Variants in MIER2 observed in about 807,000 individuals in gnomAD.
MIER2 encodes MIER family member 2.
Under a neutral mutation model 67.6 loss-of-function variants are expected in MIER2, and 30 were observed. The observed-to-expected ratio is 0.44, with a 90% CI of 0.33 to 0.60. MIER2 has a LOEUF of 0.60. MIER2 is among the 20% of genes least tolerant of loss of function. MIER2 has a pLI of 0.02. For missense variants in MIER2, 702 were observed against 745.1 expected (o/e 0.94, Z 0.67); for synonymous variants, 372 against 312.6 (o/e 1.19, Z -2.00).
At chr19:313,451 G>C in intron 8 of MIER2, 41 bp downstream of exon 8, 1 of 1,595,614 alleles carries the variant, frequency 6.3e-7, no homozygotes, top group Non-Finnish European at 8.5e-7. Context: ...CCACGCCACG[G>C]CAGCCCTCAG....
chr19:334,290 G>C, intron 3 of MIER2, 110 bp downstream of exon 3: 1 of 1,472,880 alleles, frequency 6.8e-7, no homozygotes, highest in Non-Finnish European at 9.2e-7. Context: ...TTTGCAAAAA[G>C]ATGTACAATT....
At chr19:321,480 G>A (rs1021104426) in intron 7 of MIER2, among the ~76,000 whole-genome samples, 4 of 151,932 alleles carry the variant, frequency 2.6e-5, no homozygotes, top group Non-Finnish European at 5.9e-5. Context: ...CCCCATCTCC[G>A]CTAAAAATAC....
chr19:322,820 G>A (rs181043535), intron 7 of MIER2, among the ~76,000 whole-genome samples: 8 of 152,256 alleles, frequency 5.3e-5, no homozygotes, highest in East Asian at 3.9e-4. Context: ...CGACGCACAC[G>A]AGGGCATTCA....
intron 7 of MIER2, among the ~76,000 whole-genome samples, chr19:324,777 T>TG (rs1971663771): frequency 6.6e-6 from 1 of 152,164 alleles, no homozygotes; most frequent in African/African-American, 2.4e-5. Flanking sequence ...GGCACCCTCA[T>TG]GGGGGGTGAG....
At position 312,264 on chromosome 19, in the gene MIER2, G is replaced by A. The variant is rs142594873; in HGVS notation, c.816C>T (p.Tyr272=). The part of the protein sequence containing the change: ...EAVKDSEQAL[Y]ELVKCNFNVE... The stretch of plus-strand genomic sequence containing the variant: ...CATTGAAGTTGCATTTCACCAACTC[G>A]TACAGCGCCTGGGGAGAGGACATGT... Residue 272 remains tyrosine, a synonymous_variant, in exon 9 of 14, where the codon TAC becomes TAT. Transcript: ENST00000264819. The A allele has an allele frequency of 1.3e-4, 204 of 1,613,834 alleles. No homozygotes were observed. Among genetic ancestry groups the A allele is most frequent in the Non-Finnish European group, 1.6e-4 (185 of 1,179,834 alleles).
At chr19:338,890 T>C (rs1389721074) in intron 1 of MIER2, among the ~76,000 whole-genome samples, 2 of 152,098 alleles carry the variant, frequency 1.3e-5, no homozygotes, top group Admixed American at 1.3e-4. Context: ...TCATACCATA[T>C]GCAAAAATTA....
Position 343,830 on chromosome 19 carries a change from C to G in MIER2, c.9+944G>C, listed in dbSNP as rs116106706. The G allele has an allele frequency of 3.0e-6, 3 of 985,052 alleles. No individual in the cohort carries two copies. In the African/African-American group the frequency reaches 5.2e-5, roughly 17 times the overall value. 61.0% of individuals were successfully genotyped at this position (985,052 alleles called of 1,614,324 possible). On this transcript the variant is annotated intron_variant, in intron 1 of 13. Transcript: ENST00000264819. ...CCTACATTATCTCTTTCCATCTTCA[C>G]CAGGGCCCTCCAAGGTGAAAGCAAG...
At chr19:327,634 T>C (rs1410221210) in intron 4 of MIER2, among the ~76,000 whole-genome samples, 3 of 152,236 alleles carry the variant, frequency 2.0e-5, no homozygotes, top group Non-Finnish European at 4.4e-5. Flanking sequence ...GAGGCCCCGA[T>C]GTGCCCCTCC....
chr19:325,611 C>G lies in MIER2; in HGVS notation c.655+24G>C, dbSNP rs965140673. On this transcript the variant is annotated intron_variant, in intron 7 of 13. Coordinates refer to ENST00000264819, the MANE Select transcript of MIER2 (RefSeq NM_017550.3). ...CTCCCCTTGCAGAAGTGGGTTTCGC[C>G]TCCTCTCCCCAGGCCCTACTTACTC... The G allele has an allele frequency of 1.9e-6, 3 of 1,613,978 alleles. No homozygotes were observed. The African/African-American group carries it at 4.0e-5, about 22-fold the overall frequency.
intron 7 of MIER2, among the ~76,000 whole-genome samples, chr19:317,183 A>G (rs1971272054): frequency 6.6e-6 from 1 of 152,102 alleles, no homozygotes; most frequent in Non-Finnish European, 1.5e-5. Context: ...TCACGAGGTC[A>G]GGAGATCGAG....
chr19:328,419 T>C (rs1971867401), intron 3 of MIER2, among the ~76,000 whole-genome samples: 1 of 149,872 alleles, frequency 6.7e-6, no homozygotes, highest in Non-Finnish European at 1.5e-5. Flanking sequence ...CATCTATTCC[T>C]GATTTGAAAA....
In MIER2 at chr19:314,454, A is replaced by G. The variant is rs148991786; in HGVS notation, c.656-811T>C. Among the ~76,000 whole-genome samples the G allele has an allele frequency of 5.8e-4, 88 of 152,318 alleles. 1 individual carries two copies. Among genetic ancestry groups the G allele is most frequent in the Non-Finnish European group, 8.8e-4 (60 of 68,026 alleles). ...CAATTATCCAGGAAAGAGGCACAGG[A>G]TCCCAAACAAAGCAAACCAACAAAT... On this transcript the variant is annotated intron_variant, in intron 7 of 13. Transcript: ENST00000264819.
chr19:309,476 A>G (rs58838051), intron 10 of MIER2, among the ~76,000 whole-genome samples: 64,387 of 140,634 alleles, frequency 0.46, 17,977 homozygotes, highest in African/African-American at 0.72. Flanking sequence ...AAGACACCGC[A>G]GAAGGACACA....
Position 310,567 on chromosome 19 carries a change from T to TGC in MIER2, c.984+1277_984+1278insGC, listed in dbSNP as rs1568216476. On this transcript the variant is annotated intron_variant, in intron 10 of 13. Transcript: ENST00000264819. ...GAGCTGCAGAAACACGGCCCGGAGC[T>TGC]ATAGAAACACGGCCGGGAGCTGCAG... 6.0e-4 allele frequency among the ~76,000 whole-genome samples: 91 copies of TGC among 150,512 alleles called. 2 individuals are homozygous for TGC. Among genetic ancestry groups the TGC allele is most frequent in the African/African-American group, 1.4e-3 (56 of 40,964 alleles).
chr19:318,724 G>A (rs575553453), intron 7 of MIER2, among the ~76,000 whole-genome samples: 17 of 152,194 alleles, frequency 1.1e-4, no homozygotes, highest in Non-Finnish European at 1.8e-4. Flanking sequence ...CTGAAATCAC[G>A]GAGTATGTTT....
chr19:334,389 T>C lies in MIER2; in HGVS notation c.243+11A>G. Reference sequence around the variant, plus strand: ...ACCCAACACAGGGGCAGGATCACCTTGGCCAAGTACCTGGGAGATGAAGTC... The same window carrying C: ...ACCCAACACAGGGGCAGGATCACCTCGGCCAAGTACCTGGGAGATGAAGTC... On this transcript the variant is annotated intron_variant, in intron 3 of 13. Transcript: ENST00000264819. 1.2e-6 allele frequency: 2 copies of C among 1,613,976 alleles called. No individual in the cohort carries two copies. Among genetic ancestry groups the C allele is most frequent in the Non-Finnish European group, 1.7e-6 (2 of 1,179,908 alleles).
chr19:319,596 C>T (rs1229215578), intron 7 of MIER2, among the ~76,000 whole-genome samples: 1 of 152,074 alleles, frequency 6.6e-6, no homozygotes, highest in Non-Finnish European at 1.5e-5. Context: ...GTAGCTGGGA[C>T]TACAGTTGCG....
chr19:321,575 C>T (rs137994015), intron 7 of MIER2, among the ~76,000 whole-genome samples: 22,657 of 151,632 alleles, frequency 0.15, 2,166 homozygotes, highest in African/African-American at 0.26. Flanking sequence ...ATCCAGGAGG[C>T]GGAGGTTGTG....
At chr19:333,781 C>G (rs1483600892) in intron 3 of MIER2, among the ~76,000 whole-genome samples, 1 of 146,998 alleles carries the variant, frequency 6.8e-6, no homozygotes, top group East Asian at 2.0e-4. Flanking sequence ...CTCCGTCTCC[C>G]GGGTTCACGT....
Sources: allele counts gnomAD v4.1 joint callset (sites outside exome capture counted in the v4.1 genomes callset), GRCh38; gene constraint gnomAD v4.1.1; transcripts MANE v1.5; gene names NCBI Gene and HGNC (gene_info 2026-07-23, HGNC 2026-07-21).